The following IGF2BP3 variants were observed in gnomAD, a reference collection of about 807,000 sequenced individuals.
IGF2BP3 encodes insulin-like growth factor 2 mRNA-binding protein 3.
In IGF2BP3, 9 loss-of-function variants were observed where a neutral mutation model predicts 73.8. The observed-to-expected ratio is 0.12, with a 90% CI of 0.07 to 0.21. The LOEUF (loss-of-function observed/expected upper bound fraction) is 0.21, where lower values mean the gene tolerates loss of function less well. Ranked by LOEUF, IGF2BP3 falls within the 10% of genes least tolerant of loss-of-function variation. The pLI is 1.00. For synonymous variants in IGF2BP3, 258 were observed against 256.7 expected, an observed-to-expected ratio of 1.01 and a Z score of -0.05; for missense variants, 542 against 714.0, an observed-to-expected ratio of 0.76 and a Z score of 2.75.
rs138814758 is a variant in IGF2BP3 at position 23,416,381 on chromosome 7, T to C, written c.285+2395A>G. 6.8e-3 allele frequency among the ~76,000 whole-genome samples: 1,041 copies of C among 152,332 alleles called. 16 individuals are homozygous for C. Among genetic ancestry groups the C allele is most frequent in the African/African-American group, 0.023 (971 of 41,564 alleles). Reference sequence around the variant, plus strand: ...ACTCTGTAACAGGCCCCTTCCTTTTTTCATCCCACTGCTCCTCTAGCAAAA... The same window carrying C: ...ACTCTGTAACAGGCCCCTTCCTTTTCTCATCCCACTGCTCCTCTAGCAAAA... On this transcript the variant is annotated intron_variant, in intron 3 of 14. Transcript: ENST00000258729.
At position 23,365,616 on chromosome 7, in the gene IGF2BP3, G is replaced by C. The variant is rs78312038; in HGVS notation, c.286-3875C>G. On this transcript the variant is annotated intron_variant, in intron 3 of 14. Transcript: ENST00000258729. ...CTTCCTTTCCAAGTTAGGCCTGGTAGAATGGCTTCTACGAAGAAGGGTTGT... is the reference window on the plus strand; with the variant it reads ...CTTCCTTTCCAAGTTAGGCCTGGTACAATGGCTTCTACGAAGAAGGGTTGT... 3.2e-3 allele frequency: 481 copies of C among 152,292 alleles called. 4 individuals are homozygous for C. The highest frequency in any genetic ancestry group is 0.011 in the African/African-American group (466 of 41,560). 9.4% of individuals were successfully genotyped at this position (152,292 alleles called of 1,614,324 possible). A position where few individuals can be genotyped will look rare whatever the true frequency, so the allele number is the denominator to read the frequency against.
intron 3 of IGF2BP3, among the ~76,000 whole-genome samples, chr7:23,386,391 A>C (rs1032997016): frequency 1.3e-5 from 2 of 152,174 alleles, no homozygotes; most frequent in African/African-American, 4.8e-5. Context: ...AGTGCCAGAA[A>C]GTACGTACTC....
intron 2 of IGF2BP3, among the ~76,000 whole-genome samples, chr7:23,436,371 G>A (rs184872288): frequency 5.9e-5 from 9 of 152,296 alleles, no homozygotes; most frequent in Admixed American, 3.9e-4. Context: ...AATTTGGGGA[G>A]GTGTGGCATT....
At chr7:23,385,513 A>G (rs1248009254) in intron 3 of IGF2BP3, among the ~76,000 whole-genome samples, 1 of 152,190 alleles carries the variant, frequency 6.6e-6, no homozygotes. Context: ...CCGATTCACA[A>G]GAATTCAGAA....
At chr7:23,344,077 C>G (rs189371855) in intron 8 of IGF2BP3, among the ~76,000 whole-genome samples, 1 of 152,118 alleles carries the variant, frequency 6.6e-6, no homozygotes, top group Non-Finnish European at 1.5e-5. Flanking sequence ...TCTCAACTAA[C>G]GATTACTGGA....
intron 2 of IGF2BP3, among the ~76,000 whole-genome samples, chr7:23,463,274 G>A (rs1048629719): frequency 1.3e-5 from 2 of 152,210 alleles, no homozygotes; most frequent in East Asian, 3.8e-4. Context: ...ATACATGAAG[G>A]TAGTTTGACA....
At chr7:23,448,729 C>T (rs1434548341) in intron 2 of IGF2BP3, among the ~76,000 whole-genome samples, 2 of 152,288 alleles carry the variant, frequency 1.3e-5, no homozygotes, top group Non-Finnish European at 1.5e-5. Context: ...CTCCTGGGTT[C>T]AAACGATTCT....
chr7:23,468,648 G>A, intron 1 of IGF2BP3, 106 bp from the exon 2 acceptor site: 5 of 1,153,740 alleles, frequency 4.3e-6, no homozygotes. Flanking sequence ...TGAGGCCCTC[G>A]AAGGGCCCCC....
chr7:23,340,911 G>A (rs908190053), intron 10 of IGF2BP3, among the ~76,000 whole-genome samples: 2 of 147,988 alleles, frequency 1.4e-5, no homozygotes, highest in Admixed American at 6.8e-5. Context: ...GTGCAATGGC[G>A]CAATCTCAGC....
chr7:23,383,312 T>A (rs1785973072), intron 3 of IGF2BP3, among the ~76,000 whole-genome samples: 1 of 152,134 alleles, frequency 6.6e-6, no homozygotes, highest in African/African-American at 2.4e-5. Context: ...ATTAACAGAT[T>A]GGAAAAATGT....
intron 2 of IGF2BP3, 41 bp downstream of exon 2, chr7:23,468,441 G>C (rs748405580): frequency 7.9e-5 from 127 of 1,604,544 alleles, no homozygotes; most frequent in Non-Finnish European, 1.1e-4. Flanking sequence ...CCCAATAACG[G>C]AGTGAGAACA....
chr7:23,319,795 C>A (rs1784085597), intron 10 of IGF2BP3, among the ~76,000 whole-genome samples: 1 of 152,148 alleles, frequency 6.6e-6, no homozygotes, highest in South Asian at 2.1e-4. Flanking sequence ...CACTGTCATT[C>A]AATAGTTATC....
At chr7:23,421,717 A>G (rs1438525313) in intron 2 of IGF2BP3, among the ~76,000 whole-genome samples, 5 of 150,864 alleles carry the variant, frequency 3.3e-5, no homozygotes, top group African/African-American at 9.7e-5. Context: ...AGGTGCTCAC[A>G]CTGTATTTAC....
chr7:23,400,213 T>C (rs1328535485), intron 3 of IGF2BP3, among the ~76,000 whole-genome samples: 2 of 152,222 alleles, frequency 1.3e-5, no homozygotes, highest in African/African-American at 4.8e-5. Flanking sequence ...TTTTTGCTGA[T>C]CACAAATAGG....
intron 3 of IGF2BP3, among the ~76,000 whole-genome samples, chr7:23,406,904 GTTC>G (rs1209175827): frequency 1.3e-5 from 2 of 152,078 alleles, no homozygotes; most frequent in Non-Finnish European, 2.9e-5. Flanking sequence ...AGACAGAAAA[GTTC>G]TTCAAGTCCC....
In IGF2BP3 at chr7:23,451,582, T is replaced by A. The variant is rs183265125; in HGVS notation, c.236+16900A>T. 2.2e-4 allele frequency among the ~76,000 whole-genome samples: 33 copies of A among 151,612 alleles called. 1 individual carries two copies. The highest frequency in any genetic ancestry group is 3.4e-3 in the Middle Eastern group (1 of 294). On this transcript the variant is annotated intron_variant, in intron 2 of 14. Transcript: ENST00000258729. The stretch of plus-strand genomic sequence containing the variant: ...GAATTCCACCTTGAGCAACAACAGC[T>A]AACCTCCATCTCAAAAACAAAACAA...
At chr7:23,318,052 C>G (rs1461631351) in intron 11 of IGF2BP3, among the ~76,000 whole-genome samples, 20 of 152,174 alleles carry the variant, frequency 1.3e-4, no homozygotes, top group Non-Finnish European at 2.9e-5. Flanking sequence ...GATCACACAG[C>G]TAACAGAGCT....
At chr7:23,313,691 T>G (rs156419) in intron 12 of IGF2BP3, 38 bp from the exon 13 acceptor site, 48,704 of 1,601,618 alleles carry the variant, frequency 0.03, 1,543 homozygotes, top group African/African-American at 0.12. Flanking sequence ...GTCATTCATG[T>G]ATGAAATGGA....
chr7:23,447,513 T>C (rs1788094396), intron 2 of IGF2BP3, among the ~76,000 whole-genome samples: 2 of 151,260 alleles, frequency 1.3e-5, no homozygotes, highest in Non-Finnish European at 2.9e-5. Context: ...TAATCCCAGC[T>C]ACTCGGGAGG....
Sources: gnomAD v4.1 joint callset for allele counts (sites outside exome capture counted in the v4.1 genomes callset) on GRCh38, gnomAD v4.1.1 for gene constraint, MANE v1.5 for transcripts, NCBI Gene and HGNC (gene_info 2026-07-23, HGNC 2026-07-21) for gene names.